Variants in SLC37A1 observed in about 807,000 individuals in gnomAD.
SLC37A1 encodes solute carrier family 37 member 1, also known as glucose-6-phosphate exchanger SLC37A1.
A neutral mutation model predicts 75.3 loss-of-function variants in SLC37A1; 49 were observed. That is an observed-to-expected ratio of 0.65 (90% confidence interval 0.52 to 0.83). The LOEUF (loss-of-function observed/expected upper bound fraction) is 0.83, where lower values mean the gene tolerates loss of function less well. Among genes scored for constraint, SLC37A1 ranks in the 40% least tolerant of loss-of-function variants. The pLI is 0.00. For synonymous variants in SLC37A1, 268 were observed against 292.1 expected (o/e 0.92, Z 0.84); for missense variants, 566 against 695.0 (o/e 0.81, Z 2.09).
chr21:42,518,411 C>A lies in SLC37A1; in HGVS notation c.-44C>A. On this transcript the variant is annotated 5_prime_UTR_variant, in exon 2 of 20. Coordinates refer to ENST00000352133, the MANE Select transcript of SLC37A1 (RefSeq NM_001320537.2). ...CAGGATTAATGACTCATTTATGAAGCATCTTATTCTGCGACCGAGGCTCAG... is the reference window on the plus strand; with the variant it reads ...CAGGATTAATGACTCATTTATGAAGAATCTTATTCTGCGACCGAGGCTCAG... 6.2e-7 allele frequency: 1 copy of A among 1,612,240 alleles called. No homozygotes were observed. Among genetic ancestry groups the A allele is most frequent in the Non-Finnish European group, 8.5e-7 (1 of 1,178,378 alleles).
rs527678300 is a variant in SLC37A1, at chr21:42,551,128, C to A, written c.769-2934C>A. Reference sequence around the variant, plus strand: ...TTAGACAAGAAGTAAGACTACTTCTCTTTGCAGATGACATGATCTTTTATA... The same window carrying A: ...TTAGACAAGAAGTAAGACTACTTCTATTTGCAGATGACATGATCTTTTATA... On this transcript the variant is annotated intron_variant, in intron 9 of 19. Transcript: ENST00000352133. Among the ~76,000 whole-genome samples the A allele has an allele frequency of 3.9e-4, 60 of 152,314 alleles. 1 individual carries two copies. The highest frequency in any genetic ancestry group is 3.7e-3 in the South Asian group (18 of 4,832).
intron 17 of SLC37A1, among the ~76,000 whole-genome samples, chr21:42,572,677 C>CAAAAAAAAAAAAAAAAA (rs552610279): frequency 1.2e-5 from 1 of 80,502 alleles, no homozygotes; most frequent in Non-Finnish European, 2.8e-5. Context: ...CACACACACA[C>CAAAAAAAAAAAAAAAAA]AAAAAAAAAA....
At chr21:42,556,213 T>C (rs979768123) in intron 10 of SLC37A1, among the ~76,000 whole-genome samples, 8 of 152,348 alleles carry the variant, frequency 5.3e-5, no homozygotes, top group Middle Eastern at 3.4e-3. Context: ...TAGAGGATTG[T>C]CTTGGGGACG....
intron 12 of SLC37A1, 71 bp from the exon 13 acceptor site, chr21:42,563,744 C>G: frequency 6.9e-7 from 1 of 1,456,296 alleles, no homozygotes; most frequent in Non-Finnish European, 9.6e-7. Flanking sequence ...GGGTCCTGTT[C>G]TGCCATGGTG....
Position 42,518,357 on chromosome 21 carries a change from G to T in SLC37A1, c.-98G>T. ...CCACGCTTTCCAGCCTGTGGGAGCG[G>T]CAGGGGCAACAGAGAGAGGATCTGG... is the stretch of plus-strand genomic sequence containing the variant. On this transcript the variant is annotated 5_prime_UTR_variant, in exon 2 of 20. Transcript: ENST00000352133. The T allele has an allele frequency of 6.7e-7, 1 of 1,486,150 alleles. No individual in the cohort carries two copies. The highest frequency in any genetic ancestry group is 9.4e-7 in the Non-Finnish European group (1 of 1,066,726). 92.1% of individuals were successfully genotyped at this position (1,486,150 alleles called of 1,614,324 possible).
At chr21:42,573,485 A>G (rs1407749747) in intron 17 of SLC37A1, among the ~76,000 whole-genome samples, 1 of 152,056 alleles carries the variant, frequency 6.6e-6, no homozygotes, top group Non-Finnish European at 1.5e-5. Flanking sequence ...TTCCAAAACT[A>G]CGTGCCCTTC....
Position 42,519,964 on chromosome 21 carries a change from T to TTG in SLC37A1, c.56+1473_56+1474dup, listed in dbSNP as rs373950219. On this transcript the variant is annotated intron_variant, in intron 2 of 19. Coordinates refer to ENST00000352133, the MANE Select transcript of SLC37A1 (RefSeq NM_001320537.2). ...CTCTCCCTGCCCCTCCACAGTGTGT[T>TTG]TGTGTGTGTGTGTGTGTGTGCATGT... Among the ~76,000 whole-genome samples the TTG allele has an allele frequency of 7.2e-4, 107 of 148,580 alleles. 2 individuals are homozygous for TTG. The East Asian group carries it at 7.7e-3, about 11-fold the overall frequency.
At chr21:42,502,081 A>G (rs990056721) in intron 1 of SLC37A1, among the ~76,000 whole-genome samples, 2 of 152,260 alleles carry the variant, frequency 1.3e-5, no homozygotes, top group South Asian at 2.1e-4. Flanking sequence ...TAGAAATGTA[A>G]CGTGTATATT....
chr21:42,579,277 TG>T (rs1285977729), intron 18 of SLC37A1, among the ~76,000 whole-genome samples: 1 of 152,190 alleles, frequency 6.6e-6, no homozygotes, highest in Non-Finnish European at 1.5e-5. Flanking sequence ...ACCCCAGGGC[TG>T]GCGCCAGAGG....
In SLC37A1 at chr21:42,580,612, C is replaced by T. The variant is rs892059770; in HGVS notation, c.*252C>T. Reference sequence around the variant, plus strand: ...CAAGCCAGAGAACCGAAGACCCGGCCGGCCCTGGCCTCACAGGCGTGTGCC... The same window carrying T: ...CAAGCCAGAGAACCGAAGACCCGGCTGGCCCTGGCCTCACAGGCGTGTGCC... On this transcript the variant is annotated 3_prime_UTR_variant, in exon 20 of 20. Transcript: ENST00000352133. The T allele has an allele frequency of 1.1e-5, 4 of 357,250 alleles. No homozygotes were observed. The highest frequency in any genetic ancestry group is 6.8e-5 in the African/African-American group (3 of 44,416). 22.1% of individuals were successfully genotyped at this position (357,250 alleles called of 1,614,324 possible). A position where few individuals can be genotyped will look rare whatever the true frequency, so the allele number is the denominator to read the frequency against.
intron 10 of SLC37A1, among the ~76,000 whole-genome samples, chr21:42,557,594 G>C (rs1029771921): frequency 1.3e-5 from 2 of 152,234 alleles, no homozygotes; most frequent in African/African-American, 4.8e-5. Context: ...CAGAGTCCTA[G>C]CTGTGAAGCC....
In SLC37A1 at chr21:42,576,619, T is replaced by C. The variant is rs528241150; in HGVS notation, c.1521+1704T>C. ...GTTATGTAAACTAAAAATAAATATA[T>C]GCAATGTTACTAATGACATAAGAAA... On this transcript the variant is annotated intron_variant, in intron 18 of 19. Transcript: ENST00000352133. 4.6e-5 allele frequency among the ~76,000 whole-genome samples: 7 copies of C among 152,016 alleles called. No individual in the cohort carries two copies. In the East Asian group the frequency reaches 1.4e-3, roughly 29 times the overall value.
chr21:42,573,280 T>C (rs1337012034), intron 17 of SLC37A1, among the ~76,000 whole-genome samples: 3 of 152,148 alleles, frequency 2.0e-5, no homozygotes, highest in Admixed American at 1.3e-4. Context: ...ACTCAACCCA[T>C]GCACCTTTTT....
At chr21:42,524,238 C>A (rs1283681074) in intron 2 of SLC37A1, among the ~76,000 whole-genome samples, 1 of 152,138 alleles carries the variant, frequency 6.6e-6, no homozygotes, top group Non-Finnish European at 1.5e-5. Context: ...GAAGAGCTGC[C>A]CCTCGCCTTC....
Position 42,559,100 on chromosome 21 carries a change from G to A in SLC37A1, c.981+11G>A, listed in dbSNP as rs750330887. 8.4e-5 allele frequency: 135 copies of A among 1,608,794 alleles called. No individual in the cohort carries two copies. The highest frequency in any genetic ancestry group is 1.0e-4 in the Non-Finnish European group (123 of 1,177,174). On this transcript the variant is annotated intron_variant, in intron 11 of 19. Transcript: ENST00000352133. ...GCCTTGAAAATTCCAGTAAGTAAAC[G>A]TGCCCAGGAGGAGTTTCAGAAAGGG... is the stretch of plus-strand genomic sequence containing the variant.
At position 42,530,643 on chromosome 21, in the gene SLC37A1, CACACACA is replaced by C. The variant is rs2054933554; in HGVS notation, c.139-4054_139-4048del. ...ACACACACACACACACACACACACACACACACACACACCCCCTCTGTGTTGGCTGAAG... is the reference window on the plus strand; with the variant it reads ...ACACACACACACACACACACACACACCACACCCCCTCTGTGTTGGCTGAAG... On this transcript the variant is annotated intron_variant, in intron 3 of 19. Transcript: ENST00000352133. 5.3e-4 allele frequency among the ~76,000 whole-genome samples: 17 copies of C among 31,792 alleles called. 1 individual carries two copies. The highest frequency in any genetic ancestry group is 9.9e-4 in the Admixed American group (2 of 2,022). The allele number at this position is 31,792 out of a possible 152,430, so 20.9% of individuals were successfully genotyped here.
chr21:42,519,277 C>T (rs961911287), intron 2 of SLC37A1, among the ~76,000 whole-genome samples: 2 of 152,184 alleles, frequency 1.3e-5, no homozygotes, highest in Admixed American at 1.3e-4. Flanking sequence ...GTCCGTCCTT[C>T]ACAGGGGAAG....
rs4919991 is a variant in SLC37A1 at position 42,552,579 on chromosome 21, A to G, written c.769-1483A>G. ...TAATAATTATTTGTTGAATGAGTGA[A>G]TGAATGATTGGTCAGTGGCTGCTGG... On this transcript the variant is annotated intron_variant, in intron 9 of 19. Coordinates refer to ENST00000352133, the MANE Select transcript of SLC37A1 (RefSeq NM_001320537.2). The surrounding 1 kb of genome is among the most constrained non-coding windows in gnomAD (Gnocchi z 4.2). Among the ~76,000 whole-genome samples the G allele has an allele frequency of 0.011, 1,719 of 152,360 alleles. 16 individuals are homozygous for G. The highest frequency in any genetic ancestry group is 0.016 in the Non-Finnish European group (1,098 of 68,034).
upstream of SLC37A1, among the ~76,000 whole-genome samples, chr21:42,513,480 C>T (rs1233043258): frequency 6.6e-6 from 1 of 152,090 alleles, no homozygotes; most frequent in African/African-American, 2.4e-5. Flanking sequence ...GGGGTGGGGG[C>T]GCGGCGGCAT....
Sources: allele counts gnomAD v4.1 joint callset (sites outside exome capture counted in the v4.1 genomes callset), GRCh38; gene constraint gnomAD v4.1.1; non-coding constraint Gnocchi (gnomAD v3.1); transcripts MANE v1.5; gene names NCBI Gene and HGNC (gene_info 2026-07-23, HGNC 2026-07-21).